The following DPEP1 variants were observed in gnomAD, a reference collection of about 807,000 sequenced individuals.
The protein encoded by DPEP1 is beta-lactamase.
In DPEP1, 50 loss-of-function variants were observed where a neutral mutation model predicts 42.3. The observed-to-expected ratio is 1.18, with a 90% CI of 0.94 to 1.50. DPEP1 has a LOEUF of 1.50. Ranked by LOEUF, DPEP1 falls within the 40% of genes most tolerant of loss-of-function variation. The pLI, the probability that DPEP1 is intolerant of heterozygous loss-of-function variation, is 0.00. For synonymous variants in DPEP1, 297 were observed against 234.0 expected, an observed-to-expected ratio of 1.27 and a Z score of -2.46; for missense variants, 663 against 553.0, an observed-to-expected ratio of 1.20 and a Z score of -1.99.
chr16:89,624,319 A>G (rs2059480614), intron 1 of DPEP1, among the ~76,000 whole-genome samples: 1 of 151,982 alleles, frequency 6.6e-6, no homozygotes, highest in African/African-American at 2.4e-5. Context: ...ACCCCAGGGA[A>G]CCTCTCATCA....
At position 89,627,197 on chromosome 16, in the gene DPEP1, C is replaced by T. The variant is rs553016866; in HGVS notation, c.-106-3108C>T. On this transcript the variant is annotated intron_variant, in intron 1 of 10. Transcript: ENST00000690203. ...CTGAGGCAGGAGAATGGCATGAACC[C>T]GGGAGGCAGAGCTTGCAGTGAGCTG... 2.8e-4 allele frequency among the ~76,000 whole-genome samples: 41 copies of T among 148,190 alleles called. 1 individual carries two copies. In the South Asian group the frequency reaches 8.3e-3, roughly 30 times the overall value.
chr16:89,625,556 T>C (rs1421355355), intron 1 of DPEP1, among the ~76,000 whole-genome samples: 7 of 152,100 alleles, frequency 4.6e-5, no homozygotes, highest in Admixed American at 4.6e-4. Flanking sequence ...AAGTGAGCAC[T>C]GACATTCCAG....
rs565129100 is a variant in DPEP1 at position 89,622,046 on chromosome 16, C to T, written c.-106-8259C>T. On this transcript the variant is annotated intron_variant, in intron 1 of 10. Transcript: ENST00000690203. ...GTCGAGGCTGTCACCTGCGTCTCGA[C>T]AGAGCCGAGTCAGCACCACCCTGTG... Among the ~76,000 whole-genome samples the T allele has an allele frequency of 1.6e-3, 243 of 152,306 alleles. 1 individual carries two copies. The highest frequency in any genetic ancestry group is 5.7e-3 in the African/African-American group (236 of 41,552).
At position 89,636,900 on chromosome 16, in the gene DPEP1, G is replaced by C; in HGVS notation, c.556G>C (p.Glu186Gln). The change falls in exon 6 of 11, where the codon GAG becomes CAG. Residue 186 changes from glutamate to glutamine, a missense_variant. By Grantham distance (29) the Glu-to-Gln change is conservative. Coordinates refer to ENST00000690203, the MANE Select transcript of DPEP1 (RefSeq NM_001389466.1). Reference protein sequence around the residue: ...DNWLVDTGDSEPQSQGLSPFG... With the variant: ...DNWLVDTGDSQPQSQGLSPFG... ...CTGGCTGGTGGACACGGGAGACAGCGAGCCCCAGAGCCAAGGCTTGTCACC... is the reference window on the plus strand; with the variant it reads ...CTGGCTGGTGGACACGGGAGACAGCCAGCCCCAGAGCCAAGGCTTGTCACC... The C allele has an allele frequency of 6.2e-7, 1 of 1,612,562 alleles. No homozygotes were observed. The highest frequency in any genetic ancestry group is 8.5e-7 in the Non-Finnish European group (1 of 1,179,950).
intron 1 of DPEP1, among the ~76,000 whole-genome samples, chr16:89,627,824 A>G (rs2059535651): frequency 2.0e-5 from 3 of 147,748 alleles, no homozygotes; most frequent in African/African-American, 7.5e-5. Context: ...CATGCCCAGT[A>G]AATTTTTGTA....
chr16:89,624,376 C>T (rs2059481167), intron 1 of DPEP1, among the ~76,000 whole-genome samples: 1 of 151,958 alleles, frequency 6.6e-6, no homozygotes. Context: ...TGGCCTGGAC[C>T]GTAATAGTCC....
chr16:89,618,203 T>A (rs1027958794), intron 1 of DPEP1, among the ~76,000 whole-genome samples: 2 of 152,170 alleles, frequency 1.3e-5, no homozygotes, highest in Admixed American at 1.3e-4. Flanking sequence ...CACATTTTTA[T>A]TTTAATTAAT....
chr16:89,624,150 G>C (rs1006514354), intron 1 of DPEP1, among the ~76,000 whole-genome samples: 1 of 152,176 alleles, frequency 6.6e-6, no homozygotes, highest in Non-Finnish European at 1.5e-5. Context: ...CTAGGGAATG[G>C]TTGCAGGGCC....
chr16:89,626,869 A>G (rs901579889), intron 1 of DPEP1, among the ~76,000 whole-genome samples: 1 of 151,014 alleles, frequency 6.6e-6, no homozygotes, highest in Non-Finnish European at 1.5e-5. Flanking sequence ...TGTAATCCCA[A>G]CAGCTTGGGA....
intron 1 of DPEP1, 28 bp from the exon 2 acceptor site, chr16:89,630,277 C>T (rs1265454786): frequency 8.0e-6 from 5 of 627,318 alleles, no homozygotes; most frequent in Non-Finnish European, 1.4e-5. Flanking sequence ...ATCACTTCCA[C>T]CCACACCTCT....
rs1052711352 is a variant in DPEP1, at chr16:89,636,688, G to A, written c.521+5G>A. On this transcript the variant is annotated splice_donor_5th_base_variant and intron_variant, in intron 5 of 10. Transcript: ENST00000690203. ...CCACAGCTGCAACACGCCCTGGTGC[G>A]TGACTCCCCATGGGAGGCCCCCGGG... 1.1e-5 allele frequency: 17 copies of A among 1,612,100 alleles called. No homozygotes were observed. Among genetic ancestry groups the A allele is most frequent in the Non-Finnish European group, 1.4e-5 (17 of 1,179,844 alleles).
chr16:89,637,440 G>A, intron 7 of DPEP1, 28 bp from the exon 8 acceptor site: 1 of 1,612,806 alleles, frequency 6.2e-7, no homozygotes, highest in Non-Finnish European at 8.5e-7. Context: ...CCAGCTCTCA[G>A]CTTCACCCTG....
chr16:89,624,321 C>A (rs956126617), intron 1 of DPEP1, among the ~76,000 whole-genome samples: 1 of 152,100 alleles, frequency 6.6e-6, no homozygotes, highest in African/African-American at 2.4e-5. Flanking sequence ...CCCAGGGAAC[C>A]TCTCATCACG....
chr16:89,640,647 C>T (rs2059736389), downstream of DPEP1: 1 of 985,310 alleles, frequency 1.0e-6, no homozygotes, highest in South Asian at 4.7e-5. Flanking sequence ...TGTCTGTTCC[C>T]CTCCCAGCCT....
chr16:89,626,014 C>G (rs544549345), intron 1 of DPEP1, among the ~76,000 whole-genome samples: 1 of 152,206 alleles, frequency 6.6e-6, no homozygotes, highest in Non-Finnish European at 1.5e-5. Flanking sequence ...ATGCAGTCCA[C>G]GCGTGGCTTT....
chr16:89,637,348 C>T lies in DPEP1; in HGVS notation c.736C>T (p.Arg246Cys), dbSNP rs377182881. 5.0e-5 allele frequency: 81 copies of T among 1,612,194 alleles called. No homozygotes were observed. The highest frequency in any genetic ancestry group is 1.6e-4 in the Middle Eastern group (1 of 6,084). Residue 246 changes from arginine to cysteine, a missense_variant, in exon 7 of 11, where the codon CGC becomes TGC. By Grantham distance (180) the Arg-to-Cys change is radical. Coordinates refer to ENST00000690203, the MANE Select transcript of DPEP1 (RefSeq NM_001389466.1). Reference protein sequence around the residue: ...SSAYSVCASRRNVPDDVLRLV... With the variant: ...SSAYSVCASRCNVPDDVLRLV... ...GGCCTACAGCGTGTGCGCAAGCCGG[C>T]GCAACGTGCCTGACGACGTCCTGAG...
At chr16:89,640,700 G>A (rs1285805425), downstream of DPEP1, 10 of 926,398 alleles carry the variant, frequency 1.1e-5, no homozygotes, top group Non-Finnish European at 1.3e-5. Flanking sequence ...GGTCCCTGGT[G>A]GGCTGCAAGG....
chr16:89,641,197 A>G (rs186335054), downstream of DPEP1, among the ~76,000 whole-genome samples: 1 of 145,824 alleles, frequency 6.9e-6, no homozygotes, highest in African/African-American at 2.6e-5. Flanking sequence ...TCACAGGGAG[A>G]CGGTTAGGCC....
At chr16:89,633,873 G>T (rs991102563) in intron 2 of DPEP1, among the ~76,000 whole-genome samples, 1 of 152,146 alleles carries the variant, frequency 6.6e-6, no homozygotes, top group Admixed American at 6.5e-5. Flanking sequence ...CAGTCCCCCC[G>T]AGACAGGGGC....
Sources: gnomAD v4.1 joint callset for allele counts (sites outside exome capture counted in the v4.1 genomes callset) on GRCh38, gnomAD v4.1.1 for gene constraint, MANE v1.5 for transcripts, NCBI Gene and HGNC (gene_info 2026-07-23, HGNC 2026-07-21) for gene names.